The following UMODL1 variants were observed in gnomAD, a reference collection of about 807,000 sequenced individuals.
UMODL1 encodes the protein uromodulin-like 1.
A neutral mutation model predicts 136.3 loss-of-function variants in UMODL1; 128 were observed. The ratio of observed to expected loss-of-function variants is 0.94; its 90% CI spans 0.81 to 1.09. The LOEUF (loss-of-function observed/expected upper bound fraction) is 1.09, where lower values mean the gene tolerates loss of function less well. Among genes scored for constraint, UMODL1 ranks in the 50% least tolerant of loss-of-function variants. UMODL1 has a pLI of 0.00. For synonymous variants in UMODL1, 721 were observed against 720.0 expected (o/e 1.00, Z -0.02); for missense variants, 1,766 against 1,725.6 (o/e 1.02, Z -0.41).
rs2066985522 is a variant in UMODL1 at position 42,122,510 on chromosome 21, C to T, written c.2828-321C>T. 6.6e-6 allele frequency among the ~76,000 whole-genome samples: 1 copy of T among 152,210 alleles called. No individual in the cohort carries two copies. Among genetic ancestry groups the T allele is most frequent in the Admixed American group, 6.5e-5 (1 of 15,288 alleles). ...GGGGGCCCATGGTGAGCCTGGATCC[C>T]TGAGCTGGTGGAAATGTGCAACATG... is the stretch of plus-strand genomic sequence containing the variant. On this transcript the variant is annotated intron_variant, in intron 16 of 22. Transcript: ENST00000408910. This position sits in a 1 kb window ranked among gnomAD's most constrained non-coding sequence, Gnocchi z 4.3.
chr21:42,102,019 C>T, intron 7 of UMODL1, 147 bp from the exon 8 acceptor site: 1 of 586,954 alleles, frequency 1.7e-6, no homozygotes, highest in East Asian at 2.9e-5. Context: ...ACATTTATTT[C>T]CCCCAATTAG....
intron 2 of UMODL1, among the ~76,000 whole-genome samples, chr21:42,077,320 A>G (rs527762854): frequency 1.3e-4 from 20 of 151,944 alleles, no homozygotes; most frequent in Non-Finnish European, 2.1e-4. Context: ...GTTAGAGAAA[A>G]CGCCATACTT....
At chr21:42,075,667 C>T (rs899635235) in intron 1 of UMODL1, among the ~76,000 whole-genome samples, 2 of 152,238 alleles carry the variant, frequency 1.3e-5, no homozygotes, top group African/African-American at 4.8e-5. Flanking sequence ...TTGATTCCAG[C>T]GCTGTGCTCT....
intron 21 of UMODL1, among the ~76,000 whole-genome samples, chr21:42,132,205 C>T (rs1233297549): frequency 6.6e-6 from 1 of 151,912 alleles, no homozygotes; most frequent in African/African-American, 2.4e-5. Context: ...ATCCATTCAT[C>T]CCTCCACTCA....
chr21:42,075,729 G>A (rs1018153365), intron 1 of UMODL1, among the ~76,000 whole-genome samples: 1 of 152,226 alleles, frequency 6.6e-6, no homozygotes, highest in Non-Finnish European at 1.5e-5. Flanking sequence ...GCATGCGTGG[G>A]GCCCAGGTGG....
At chr21:42,094,506 C>T (rs928585592) in intron 6 of UMODL1, among the ~76,000 whole-genome samples, 1 of 152,110 alleles carries the variant, frequency 6.6e-6, no homozygotes, top group Non-Finnish European at 1.5e-5. Context: ...TCCGCATTGC[C>T]GTGGCCTTGG....
chr21:42,097,206 A>G (rs1044843334), intron 6 of UMODL1, among the ~76,000 whole-genome samples: 1 of 152,254 alleles, frequency 6.6e-6, no homozygotes, highest in East Asian at 1.9e-4. Context: ...AAAAAACTAC[A>G]TTCTACCCCA....
At chr21:42,135,188 C>T (rs1286744851) in intron 21 of UMODL1, among the ~76,000 whole-genome samples, 1 of 152,260 alleles carries the variant, frequency 6.6e-6, no homozygotes, top group African/African-American at 2.4e-5. Flanking sequence ...CAGCTCATGC[C>T]ACACGCATGG....
At chr21:42,063,836 C>T (rs2066161305) in intron 1 of UMODL1, among the ~76,000 whole-genome samples, 1 of 152,176 alleles carries the variant, frequency 6.6e-6, no homozygotes, top group South Asian at 2.1e-4. Context: ...TCGGAAGCAG[C>T]CGTGTGCACC....
rs1432985747 is a variant in UMODL1, at chr21:42,114,731, T to C, written c.2362+901T>C. ...AACAGATGGAGTGCATGACGTGAAT[T>C]GTGCACGTTCACGAGCAGCTGGAGA... On this transcript the variant is annotated intron_variant, in intron 13 of 22. Transcript: ENST00000408910. Among the ~76,000 whole-genome samples, 3 of 152,346 alleles carry C rather than the reference T, an allele frequency of 2.0e-5. No individual in the cohort carries two copies. The East Asian group carries it at 5.8e-4, about 29-fold the overall frequency.
chr21:42,117,572 A>G (rs1267889263), intron 14 of UMODL1, among the ~76,000 whole-genome samples: 1 of 152,076 alleles, frequency 6.6e-6, no homozygotes, highest in African/African-American at 2.4e-5. Flanking sequence ...CACATTGTAG[A>G]TTTCCTGAGT....
At chr21:42,095,295 A>G (rs1174310099) in intron 6 of UMODL1, among the ~76,000 whole-genome samples, 5 of 151,708 alleles carry the variant, frequency 3.3e-5, no homozygotes, top group Admixed American at 3.3e-4. Flanking sequence ...GGGTCTTGCT[A>G]TATTGCCCAG....
Position 42,085,280 on chromosome 21 carries a change from C to G in UMODL1, c.482-11C>G, listed in dbSNP as rs1378360467. On this transcript the variant is annotated splice_polypyrimidine_tract_variant and intron_variant, in intron 3 of 22. Coordinates refer to ENST00000408910, the MANE Select transcript of UMODL1 (RefSeq NM_001004416.3). The surrounding 1 kb of genome is among the most constrained non-coding windows in gnomAD (Gnocchi z 4.5). ...CTGGGTCCATAATCATCAGTGTTTT[C>G]CCTTGTGTAGCTCCAGAGAGGGACC... 6.2e-7 allele frequency: 1 copy of G among 1,613,400 alleles called. No individual in the cohort carries two copies.
chr21:42,105,138 C>T (rs189795031), intron 9 of UMODL1, among the ~76,000 whole-genome samples: 1 of 152,336 alleles, frequency 6.6e-6, no homozygotes, highest in Admixed American at 6.5e-5. Flanking sequence ...CTGGAAACCT[C>T]GGCCTGGGGT....
At chr21:42,063,193 T>G (rs922285805) in exon 1 of UMODL1, 1 of 152,296 alleles carries the variant, frequency 6.6e-6, no homozygotes, top group Admixed American at 6.5e-5. Context: ...AAATTACATC[T>G]GCAAAAAGAC....
chr21:42,077,600 G>A (rs571837911), intron 2 of UMODL1, among the ~76,000 whole-genome samples: 8 of 152,364 alleles, frequency 5.3e-5, no homozygotes, highest in African/African-American at 1.4e-4. Flanking sequence ...TCAATCAGAC[G>A]AATTCCTGGG....
At position 42,103,997 on chromosome 21, in the gene UMODL1, C is replaced by T; in HGVS notation, c.1429C>T (p.Pro477Ser). ...GCTCACCGTGCAGGACCCCGGGTTT[C>T]CCATGGGCATCTCCACGCTGGCCCC... ...LKLTVQDPGF[P>S]MGISTLAPIL... The change falls in exon 9 of 23, where the codon CCC (proline) becomes TCC (serine). Residue 477 changes from proline to serine, a missense_variant. Coordinates refer to ENST00000408910, the MANE Select transcript of UMODL1 (RefSeq NM_001004416.3). 6.2e-7 allele frequency: 1 copy of T among 1,614,022 alleles called. No individual in the cohort carries two copies.
Position 42,121,108 on chromosome 21 carries a change from AGGAGGACGACTGTGTGCC to A in UMODL1, c.2714_2731del (p.Glu905_Pro910del). 6.2e-7 allele frequency: 1 copy of A among 1,613,840 alleles called. No individual in the cohort carries two copies. ...GCAGATTACGATGAGTGTGAAAGGAAGGAGGACGACTGTGTGCCGGGGACATCCTGTCGAAACACCCTC... is the reference window on the plus strand; with the variant it reads ...GCAGATTACGATGAGTGTGAAAGGAAGGGGACATCCTGTCGAAACACCCTC... On this transcript the variant is annotated inframe_deletion, in exon 16 of 23. Transcript: ENST00000408910.
chr21:42,075,753 G>T (rs1332758596), intron 1 of UMODL1, among the ~76,000 whole-genome samples: 1 of 152,236 alleles, frequency 6.6e-6, no homozygotes, highest in Non-Finnish European at 1.5e-5. Flanking sequence ...CTCCTCCTCG[G>T]TCACAGCGGC....
Sources: gnomAD v4.1 joint callset for allele counts (sites outside exome capture counted in the v4.1 genomes callset) on GRCh38, gnomAD v4.1.1 for gene constraint, Gnocchi (gnomAD v3.1) non-coding constraint, MANE v1.5 for transcripts, NCBI Gene and HGNC (gene_info 2026-07-23, HGNC 2026-07-21) for gene names.